The following C11orf65 variants were observed in gnomAD, a reference collection of about 807,000 sequenced individuals.
C11orf65 encodes protein MFI.
In C11orf65, 38 loss-of-function variants were observed where a neutral mutation model predicts 35.3. That is an observed-to-expected ratio of 1.08 (90% CI 0.83 to 1.41). C11orf65 has a LOEUF of 1.41. Ranked by LOEUF, C11orf65 falls within the 40% of genes most tolerant of loss-of-function variation. The probability of loss-of-function intolerance (pLI) is 0.00; values close to 1 mark genes in which losing one functional copy is unlikely to be tolerated. For missense variants in C11orf65, 370 were observed against 367.1 expected (o/e 1.01, Z -0.06); for synonymous variants, 105 against 114.4 (o/e 0.92, Z 0.53).
downstream of C11orf65, among the ~76,000 whole-genome samples, chr11:108,326,439 G>A (rs2085693217): frequency 6.6e-6 from 1 of 152,044 alleles, no homozygotes; most frequent in African/African-American, 2.4e-5. Context: ...TCATGTGGTC[G>A]ATTCATTTAA....
At chr11:108,357,137 C>A (rs977917464) in intron 2 of C11orf65, among the ~76,000 whole-genome samples, 2 of 152,328 alleles carry the variant, frequency 1.3e-5, no homozygotes, top group East Asian at 3.9e-4. Context: ...ACTTGGGAAG[C>A]GCAAGGGTCA....
chr11:108,435,198 G>A lies in C11orf65; in HGVS notation c.82-3360C>T, dbSNP rs2093044382. 5.3e-5 allele frequency among the ~76,000 whole-genome samples: 8 copies of A among 152,142 alleles called. No individual in the cohort carries two copies. The South Asian group carries it at 1.7e-3, about 32-fold the overall frequency. On this transcript the variant is annotated intron_variant, in intron 2 of 8. Transcript: ENST00000393084. ...TTCCTGTCCTTCTTTGTACCTTTGT[G>A]CTCTGCAGATATAATGGTCTTAGTT...
At chr11:108,370,838 C>G (rs768735031) in intron 2 of C11orf65, among the ~76,000 whole-genome samples, 1 of 152,056 alleles carries the variant, frequency 6.6e-6, no homozygotes, top group Non-Finnish European at 1.5e-5. Flanking sequence ...CTCAACTGAT[C>G]CATTTTATCT....
At chr11:108,443,947 G>T (rs2093205784) in intron 2 of C11orf65, among the ~76,000 whole-genome samples, 1 of 152,110 alleles carries the variant, frequency 6.6e-6, no homozygotes, top group African/African-American at 2.4e-5. Context: ...AAAGCTAGCA[G>T]AAGGCAAGAA....
intron 6 of C11orf65, among the ~76,000 whole-genome samples, chr11:108,403,013 C>T (rs979410770): frequency 3.1e-4 from 47 of 152,082 alleles, no homozygotes; most frequent in African/African-American, 8.5e-4. Context: ...TCTGGTTTTT[C>T]GCAATTAAAA....
intron 2 of C11orf65, among the ~76,000 whole-genome samples, chr11:108,362,203 C>T (rs1454273115): frequency 2.7e-5 from 4 of 146,432 alleles, no homozygotes; most frequent in African/African-American, 5.0e-5. Context: ...AAAAAATGCT[C>T]ATCATCACTG....
intron 3 of C11orf65, among the ~76,000 whole-genome samples, chr11:108,414,988 A>G (rs73547026): frequency 0.011 from 1,601 of 152,214 alleles, 21 homozygotes; most frequent in African/African-American, 0.036. Context: ...ACACCCATTC[A>G]TGATAACAAC....
chr11:108,459,040 G>A (rs2093439827), intron 2 of C11orf65, among the ~76,000 whole-genome samples: 1 of 152,152 alleles, frequency 6.6e-6, no homozygotes, highest in African/African-American at 2.4e-5. Flanking sequence ...TGGGAAAATT[G>A]CCTGGGGGCT....
chr11:108,436,342 GT>G (rs1307745882), intron 2 of C11orf65, among the ~76,000 whole-genome samples: 1 of 150,076 alleles, frequency 6.7e-6, no homozygotes, highest in Non-Finnish European at 1.5e-5. Context: ...AATTTTTACA[GT>G]AGCATTAGGA....
intron 6 of C11orf65, chr11:108,317,652 T>TATATACAC (rs1399501257): frequency 1.4e-4 from 16 of 118,374 alleles, no homozygotes; most frequent in African/African-American, 3.5e-4. Flanking sequence ...TATATATATA[T>TATATACAC]ACACACACAC....
intron 6 of C11orf65, among the ~76,000 whole-genome samples, chr11:108,401,608 G>A (rs1479413629): frequency 3.3e-5 from 5 of 152,160 alleles, no homozygotes; most frequent in Non-Finnish European, 7.3e-5. Context: ...TTTGTTTCTT[G>A]CTTCTGTAAT....
intron 2 of C11orf65, among the ~76,000 whole-genome samples, chr11:108,348,203 AAG>A (rs1273186398): frequency 3.9e-5 from 6 of 152,042 alleles, no homozygotes; most frequent in Admixed American, 1.3e-4. Flanking sequence ...ATAAGAAAGA[AAG>A]AATATATAGC....
At chr11:108,316,135 G>A (rs772285831) in intron 6 of C11orf65, 3 of 1,603,116 alleles carry the variant, frequency 1.9e-6, no homozygotes, top group Non-Finnish European at 2.6e-6. Context: ...CCCAGATTTG[G>A]TAAAGCCATC....
chr11:108,399,714 C>G (rs2092400856), intron 6 of C11orf65, among the ~76,000 whole-genome samples: 1 of 152,182 alleles, frequency 6.6e-6, no homozygotes, highest in Admixed American at 6.5e-5. Flanking sequence ...CATTCCCATA[C>G]AGACCACATT....
intron 2 of C11orf65, among the ~76,000 whole-genome samples, chr11:108,458,432 A>G (rs1170762153): frequency 6.6e-6 from 1 of 151,398 alleles, no homozygotes; most frequent in East Asian, 1.9e-4. Flanking sequence ...GTCTTTGTTC[A>G]GAGTCAGCAT....
chr11:108,458,355 C>CAAAA lies in C11orf65; in HGVS notation c.81+3120_81+3123dup, dbSNP rs755107073. ...TGGGAGACAGAGCAAGACTCTGTCT[C>CAAAA]AAAAAAAAAAAAAAAAAAAAAAAGA... On this transcript the variant is annotated intron_variant, in intron 2 of 8. Coordinates refer to ENST00000393084, the MANE Select transcript of C11orf65 (RefSeq NM_152587.5). 6.1e-3 allele frequency among the ~76,000 whole-genome samples: 218 copies of CAAAA among 35,840 alleles called. 7 individuals are homozygous for CAAAA. Among genetic ancestry groups the CAAAA allele is most frequent in the African/African-American group, 0.023 (203 of 8,672 alleles). 23.5% of individuals were successfully genotyped at this position (35,840 alleles called of 152,430 possible).
rs2136119917 is a variant in C11orf65 at position 108,315,870 on chromosome 11, G to T, written c.641-6799C>A. The T allele has an allele frequency of 6.2e-7, 1 of 1,613,340 alleles. No homozygotes were observed. Among genetic ancestry groups the T allele is most frequent in the Non-Finnish European group, 8.5e-7 (1 of 1,179,332 alleles). On this transcript the variant is annotated intron_variant, in intron 6 of 6. Transcript: ENST00000525729. ...GAAGTATAGGGGAGCCAGATAGTTT[G>T]TATGGCTGTGGTGGAGGGAAGATGT...
chr11:108,318,044 A>G (rs2084901800), intron 6 of C11orf65, among the ~76,000 whole-genome samples: 1 of 152,194 alleles, frequency 6.6e-6, no homozygotes, highest in South Asian at 2.1e-4. Flanking sequence ...GCTTATCTTT[A>G]TTTATGAAAT....
intron 2 of C11orf65, among the ~76,000 whole-genome samples, chr11:108,434,026 T>C (rs1591545726): frequency 6.6e-6 from 1 of 152,138 alleles, no homozygotes; most frequent in Non-Finnish European, 1.5e-5. Context: ...CTTCTCCAGA[T>C]GGGCACCAAG....
Sources: allele counts gnomAD v4.1 joint callset (sites outside exome capture counted in the v4.1 genomes callset), GRCh38; gene constraint gnomAD v4.1.1; transcripts MANE v1.5; gene names NCBI Gene and HGNC (gene_info 2026-07-23, HGNC 2026-07-21).